Variants in ABCB4 observed in about 807,000 individuals in gnomAD.
ABCB4 encodes the protein phosphatidylcholine translocator ABCB4.
ABCB4 carries 76 observed loss-of-function variants against 145.7 expected under a neutral mutation model. The observed-to-expected ratio is 0.52, with a 90% CI of 0.43 to 0.63. The LOEUF (loss-of-function observed/expected upper bound fraction) is 0.63, where lower values mean the gene tolerates loss of function less well. Ranked by LOEUF, ABCB4 falls within the 30% of genes least tolerant of loss-of-function variation. The probability of loss-of-function intolerance (pLI) is 0.00; values close to 1 mark genes in which losing one functional copy is unlikely to be tolerated. For missense variants in ABCB4, 1,234 were observed against 1,553.1 expected, an observed-to-expected ratio of 0.79 and a Z score of 3.45; for synonymous variants, 517 against 566.8, an observed-to-expected ratio of 0.91 and a Z score of 1.25.
chr7:87,397,363 A>AG (rs397967753), downstream of ABCB4, among the ~76,000 whole-genome samples: 1 of 151,610 alleles, frequency 6.6e-6, no homozygotes, highest in African/African-American at 2.4e-5. Flanking sequence ...AAAAAAAAAA[A>AG]GTATTTACTC....
chr7:87,457,879 C>A (rs370608649), intron 4 of ABCB4, among the ~76,000 whole-genome samples: 23 of 152,256 alleles, frequency 1.5e-4, no homozygotes, highest in African/African-American at 5.3e-4. Flanking sequence ...CCGGATTCTG[C>A]CCAAGACTTC....
chr7:87,401,885 C>T lies in ABCB4; in HGVS notation c.*211G>A, dbSNP rs1807806145. On this transcript the variant is annotated 3_prime_UTR_variant, in exon 28 of 28. Transcript: ENST00000649586. Reference sequence around the variant, plus strand: ...TTCTAATAACTTAGGGAGAGCTAGCCTGTTGTTTCAATACTTCATCAAGAC... The same window carrying T: ...TTCTAATAACTTAGGGAGAGCTAGCTTGTTGTTTCAATACTTCATCAAGAC... The T allele has an allele frequency of 1.4e-6, 1 of 718,528 alleles. No homozygotes were observed. The highest frequency in any genetic ancestry group is 2.5e-6 in the Non-Finnish European group (1 of 406,106). The allele number at this position is 718,528 out of a possible 1,614,324, so 44.5% of individuals were successfully genotyped here. A position where few individuals can be genotyped will look rare whatever the true frequency, so the allele number is the denominator to read the frequency against.
chr7:87,446,790 T>C (rs1811371988), intron 9 of ABCB4, among the ~76,000 whole-genome samples: 2 of 152,240 alleles, frequency 1.3e-5, no homozygotes, highest in South Asian at 2.1e-4. Flanking sequence ...TTTTATTTCC[T>C]TTTATACATT....
At chr7:87,445,058 T>A in intron 9 of ABCB4, 83 bp from the exon 10 acceptor site, 1 of 899,572 alleles carries the variant, frequency 1.1e-6, no homozygotes, top group Non-Finnish European at 1.8e-6. Context: ...TGTAACATAG[T>A]ACATAAAGGA....
chr7:87,419,981 C>G lies in ABCB4; in HGVS notation c.2394+17G>C. ...AATGTGAAAGATCAGAAGGCATTCT[C>G]CAGCGCACACTCCTACCTGTCTTAG... On this transcript the variant is annotated intron_variant, in intron 19 of 27. Transcript: ENST00000649586. 1 of 1,612,306 alleles carries G rather than the reference C, an allele frequency of 6.2e-7. No individual in the cohort carries two copies. The highest frequency in any genetic ancestry group is 8.5e-7 in the Non-Finnish European group (1 of 1,178,422).
the ABCB4 span, chr7:87,382,064 C>A: frequency 6.3e-7 from 1 of 1,596,324 alleles, no homozygotes. Context: ...TAAGTCTTCC[C>A]TATTTTCAGG....
chr7:87,471,714 G>A (rs969855370), intron 3 of ABCB4, among the ~76,000 whole-genome samples: 1 of 152,168 alleles, frequency 6.6e-6, no homozygotes, highest in African/African-American at 2.4e-5. Context: ...ATGGGCAAAT[G>A]CTTTCTTGAG....
At chr7:87,466,323 A>G (rs2116928738) in intron 3 of ABCB4, among the ~76,000 whole-genome samples, 1 of 152,318 alleles carries the variant, frequency 6.6e-6, no homozygotes, top group African/African-American at 2.4e-5. Flanking sequence ...AATGAATGAA[A>G]TGAAACAAGA....
chr7:87,409,445 T>C, intron 23 of ABCB4, 53 bp from the exon 24 acceptor site: 4 of 1,583,186 alleles, frequency 2.5e-6, no homozygotes, highest in South Asian at 1.1e-5. Context: ...AACTCCATGA[T>C]GTTTGAAAGT....
chr7:87,392,249 G>C, the ABCB4 span, among the ~76,000 whole-genome samples: 1 of 152,190 alleles, frequency 6.6e-6, no homozygotes, highest in South Asian at 2.1e-4. Context: ...TTATAGAACT[G>C]CTTTATTGTC....
intron 25 of ABCB4, among the ~76,000 whole-genome samples, chr7:87,406,752 T>C (rs1808226813): frequency 6.6e-6 from 1 of 152,188 alleles, no homozygotes. Context: ...TCTTTGTCCT[T>C]GTCTGCCCTC....
chr7:87,392,757 T>C, the ABCB4 span: 1 of 1,613,778 alleles, frequency 6.2e-7, no homozygotes, highest in South Asian at 1.1e-5. Flanking sequence ...TTAGGTCTCT[T>C]ACTCATAGCA....
At chr7:87,388,934 A>AC in the ABCB4 span, among the ~76,000 whole-genome samples, 2 of 152,052 alleles carry the variant, frequency 1.3e-5, no homozygotes, top group African/African-American at 4.8e-5. Flanking sequence ...TTACAAGAAA[A>AC]AAACAACCCC....
chr7:87,470,766 G>C (rs986345460), intron 3 of ABCB4, among the ~76,000 whole-genome samples: 3 of 152,162 alleles, frequency 2.0e-5, no homozygotes, highest in African/African-American at 7.2e-5. Flanking sequence ...TTACACTATT[G>C]GTGGGACTGT....
At chr7:87,458,669 T>C (rs1050845749) in intron 4 of ABCB4, among the ~76,000 whole-genome samples, 1 of 152,174 alleles carries the variant, frequency 6.6e-6, no homozygotes, top group Admixed American at 6.5e-5. Flanking sequence ...CTAAGAGGTA[T>C]GAGAATATTA....
At chr7:87,391,462 G>T in the ABCB4 span, 844 of 840,834 alleles carry the variant, frequency 1.0e-3, 11 homozygotes, top group South Asian at 0.012. Flanking sequence ...TTTGTTGAAA[G>T]TCTCCAACCT....
downstream of ABCB4, chr7:87,399,299 G>A (rs558335456): frequency 3.3e-5 from 5 of 152,564 alleles, no homozygotes; most frequent in African/African-American, 9.6e-5. Context: ...ACAGGGTAAG[G>A]TCCTGTCTCT....
rs774102354 is a variant in ABCB4, at chr7:87,431,436, CCTT to C, written c.1858_1860del (p.Lys620del). ...TTGACAAGTTTGAAGTACACCCCTT[CCTT>C]CTTCATCAGTTCGCTGTGGCTTCCT... On this transcript the variant is annotated inframe_deletion, in exon 15 of 28. Transcript: ENST00000649586. 5.0e-6 allele frequency: 8 copies of C among 1,614,030 alleles called. No individual in the cohort carries two copies. The highest frequency in any genetic ancestry group is 4.0e-5 in the African/African-American group (3 of 74,944).
At chr7:87,374,857 A>G in the ABCB4 span, among the ~76,000 whole-genome samples, 1 of 151,878 alleles carries the variant, frequency 6.6e-6, no homozygotes, top group Non-Finnish European at 1.5e-5. Context: ...ATTAAGCTAC[A>G]TTAGCTCACT....
Sources: gnomAD v4.1 joint callset for allele counts (sites outside exome capture counted in the v4.1 genomes callset) on GRCh38, gnomAD v4.1.1 for gene constraint, MANE v1.5 for transcripts, NCBI Gene and HGNC (gene_info 2026-07-23, HGNC 2026-07-21) for gene names.